TCP10L: variants seen among roughly 807,000 people sequenced by gnomAD.
TCP10L encodes the protein T-complex protein 10A homolog 1.
TCP10L carries 11 observed loss-of-function variants against 19.2 expected under a neutral mutation model. That is an observed-to-expected ratio of 0.57 (90% CI 0.36 to 0.95). The LOEUF is 0.95. Among genes scored for constraint, TCP10L ranks in the 40% least tolerant of loss-of-function variants. The probability of loss-of-function intolerance (pLI) is 0.01; values close to 1 mark genes in which losing one functional copy is unlikely to be tolerated. For synonymous variants in TCP10L, 96 were observed against 97.2 expected (o/e 0.99, Z 0.07); for missense variants, 247 against 263.9 (o/e 0.94, Z 0.44).
chr21:32,575,626 C>G lies in TCP10L; in HGVS notation c.*1148G>C, dbSNP rs1047842128. The G allele has an allele frequency of 4.6e-5, 7 of 152,654 alleles. No homozygotes were observed. Among genetic ancestry groups the G allele is most frequent in the African/African-American group, 1.7e-4 (7 of 41,562 alleles). 9.5% of individuals were successfully genotyped at this position (152,654 alleles called of 1,614,324 possible). On this transcript the variant is annotated 3_prime_UTR_variant, in exon 5 of 5. Coordinates refer to ENST00000300258, the MANE Select transcript of TCP10L (RefSeq NM_144659.7). Reference sequence around the variant, plus strand: ...TGAGGCTCGGCCACCACATAGGCCCCGTTTCTTTACCAAGATAGGTTCCTG... The same window carrying G: ...TGAGGCTCGGCCACCACATAGGCCCGGTTTCTTTACCAAGATAGGTTCCTG...
At position 32,582,787 on chromosome 21, in the gene TCP10L, T is replaced by C. The variant is rs764157795; in HGVS notation, c.145-372A>G. 6.6e-6 allele frequency among the ~76,000 whole-genome samples: 1 copy of C among 151,874 alleles called. No homozygotes were observed. ...TTTGTATTTTTACTCGGGATGGGGG[T>C]TCACCATGTTGCCCAGACTGGTCTC... On this transcript the variant is annotated intron_variant, in intron 2 of 4. Transcript: ENST00000300258. This position sits in a 1 kb window ranked among gnomAD's most constrained non-coding sequence, Gnocchi z 4.2.
intron 3 of TCP10L, among the ~76,000 whole-genome samples, chr21:32,579,409 G>A (rs1296658503): frequency 6.6e-6 from 1 of 152,158 alleles, no homozygotes; most frequent in African/African-American, 2.4e-5. Flanking sequence ...ATCCAGAGTG[G>A]CTCACCCACA....
At chr21:32,581,436 G>C (rs1441434694) in intron 3 of TCP10L, among the ~76,000 whole-genome samples, 3 of 152,266 alleles carry the variant, frequency 2.0e-5, no homozygotes, top group East Asian at 3.9e-4. Context: ...TAAGGCAGAG[G>C]GTCTAATTGA....
rs1174800968 is a variant in TCP10L at position 32,578,175 on chromosome 21, T to G, written c.498+519A>C. On this transcript the variant is annotated intron_variant, in intron 4 of 4. Coordinates refer to ENST00000300258, the MANE Select transcript of TCP10L (RefSeq NM_144659.7). This position sits in a 1 kb window ranked among gnomAD's most constrained non-coding sequence, Gnocchi z 4.2. ...CAGAGATTTTGTTTGTGGCCAGTTT[T>G]GGGGCCAGTTTATGGCCAGATCTGG... 6.6e-6 allele frequency among the ~76,000 whole-genome samples: 1 copy of G among 152,254 alleles called. No homozygotes were observed. The highest frequency in any genetic ancestry group is 1.5e-5 in the Non-Finnish European group (1 of 68,044).
Position 32,577,791 on chromosome 21 carries a change from G to A in TCP10L, c.499-868C>T, listed in dbSNP as rs1419733022. 3 of 152,226 alleles carry A rather than the reference G, an allele frequency of 2.0e-5. No individual in the cohort carries two copies. In the East Asian group the frequency reaches 5.8e-4, roughly 29 times the overall value. 9.4% of individuals were successfully genotyped at this position (152,226 alleles called of 1,614,324 possible). A position where few individuals can be genotyped will look rare whatever the true frequency, so the allele number is the denominator to read the frequency against. On this transcript the variant is annotated intron_variant, in intron 4 of 4. Transcript: ENST00000300258. ...ACATACGCACGGAAGTATAGCATGT[G>A]GAGTGGGAAATCAGGGCACTCACAG...
chr21:32,584,271 T>TG lies in TCP10L; in HGVS notation c.33dup (p.Lys12GlnfsTer59). On this transcript the variant is annotated frameshift_variant, in exon 2 of 5. Coordinates refer to ENST00000300258, the MANE Select transcript of TCP10L (RefSeq NM_144659.7). LOFTEE classifies it high-confidence loss of function. ...GGGTCCTCTGGGTGGGTGCCCTCTT[T>TG]GGGGTCCCTGGCCTCGAGTTGACCT... 6.2e-7 allele frequency: 1 copy of TG among 1,613,938 alleles called. No homozygotes were observed. The highest frequency in any genetic ancestry group is 1.1e-5 in the South Asian group (1 of 91,056).
Position 32,576,863 on chromosome 21 carries a change from C to G in TCP10L, c.559G>C (p.Asp187His). 1 of 1,614,176 alleles carries G rather than the reference C, an allele frequency of 6.2e-7. No homozygotes were observed. The highest frequency in any genetic ancestry group is 8.5e-7 in the Non-Finnish European group (1 of 1,180,016). ...TGACGTCTCCTGGAAAGATTTTTAT[C>G]TCTATTTTCCTGTGGTGGTGTTTTC... ...SWKTPPQENR[D>H]KNLSRRRQDR... The change falls in exon 5 of 5, where the codon GAT becomes CAT. Residue 187 changes from aspartate (D) to histidine (H), a missense_variant. By Grantham distance (81) the Asp-to-His change is moderately conservative. Transcript: ENST00000300258.
In TCP10L at chr21:32,582,402, TG is replaced by T; in HGVS notation, c.157del (p.Gln53ArgfsTer27). 6.2e-7 allele frequency: 1 copy of T among 1,612,754 alleles called. No individual in the cohort carries two copies. Among genetic ancestry groups the T allele is most frequent in the Non-Finnish European group, 8.5e-7 (1 of 1,179,708 alleles). On this transcript the variant is annotated frameshift_variant, in exon 3 of 5. Coordinates refer to ENST00000300258, the MANE Select transcript of TCP10L (RefSeq NM_144659.7). LOFTEE classifies it high-confidence loss of function. This position sits in a 1 kb window ranked among gnomAD's most constrained non-coding sequence, Gnocchi z 4.2. ...NTGEMPPLQQ[Q>X]IIRLHQELGR... ...AAGCTCTTGGTGGAGTCTGATGATC[TG>T]CTGCTGTAATGGCTGTTATTGGGAA...
At chr21:32,577,030 C>G in intron 4 of TCP10L, 107 bp from the exon 5 acceptor site, 1 of 1,175,300 alleles carries the variant, frequency 8.5e-7, no homozygotes, top group South Asian at 1.6e-5. Context: ...GATTCTACTC[C>G]CCCTTCCTAC....
At chr21:32,585,322 T>G (rs7279971) in intron 1 of TCP10L, 99 bp downstream of exon 1, 2 of 279,414 alleles carry the variant, frequency 7.2e-6, no homozygotes, top group Non-Finnish European at 1.5e-5. Flanking sequence ...CCTGCTCCTC[T>G]GAGGGGACAC....
rs2038462051 is a variant in TCP10L, at chr21:32,578,787, A to C, written c.405T>G (p.Asp135Glu). 1 of 1,614,110 alleles carries C rather than the reference A, an allele frequency of 6.2e-7. No homozygotes were observed. Among genetic ancestry groups the C allele is most frequent in the Admixed American group, 1.7e-5 (1 of 60,004 alleles). Residue 135 changes from aspartate to glutamate, a missense_variant, in exon 4 of 5, where the codon GAT (aspartate) becomes GAG (glutamate). Asp to Glu is a conservative substitution (Grantham distance 45). Coordinates refer to ENST00000300258, the MANE Select transcript of TCP10L (RefSeq NM_144659.7). The surrounding 1 kb of genome is among the most constrained non-coding windows in gnomAD (Gnocchi z 4.2). ...CAGCGTATTTGGGTATTGTCTCTTC[A>C]TCAGCTGACAGAGGTGAAATTTTTC... The part of the protein sequence containing the change: ...AFGKISPLSA[D>E]EETIPKYAGH...
At chr21:32,583,837 G>T (rs772306516) in intron 2 of TCP10L, among the ~76,000 whole-genome samples, 42 of 152,106 alleles carry the variant, frequency 2.8e-4, no homozygotes, top group Non-Finnish European at 5.0e-4. Context: ...CAGGAAACTT[G>T]CTGGGATGAT....
chr21:32,576,175 G>T lies in TCP10L; in HGVS notation c.*599C>A. On this transcript the variant is annotated 3_prime_UTR_variant, in exon 5 of 5. Transcript: ENST00000300258. ...TCCACGAGAAAGCCCCGCATTTCAC[G>T]GGGAGCATAGAAACAGGAGTCCCCA... 6.8e-6 allele frequency: 8 copies of T among 1,183,482 alleles called. No homozygotes were observed. The South Asian group carries it at 8.4e-5, about 12-fold the overall frequency. The allele number at this position is 1,183,482 out of a possible 1,614,324, so 73.3% of individuals were successfully genotyped here. A position where few individuals can be genotyped will look rare whatever the true frequency, so the allele number is the denominator to read the frequency against.
Position 32,578,369 on chromosome 21 carries a change from A to C in TCP10L, c.498+325T>G, listed in dbSNP as rs1422675967. Among the ~76,000 whole-genome samples, 1 of 152,244 alleles carries C rather than the reference A, an allele frequency of 6.6e-6. No individual in the cohort carries two copies. The highest frequency in any genetic ancestry group is 1.9e-4 in the East Asian group (1 of 5,198). ...AGCCCTCAGACTCACGGGTGGAGAC[A>C]GTGCCACACACATCACCTCCGCAGC... On this transcript the variant is annotated intron_variant, in intron 4 of 4. Coordinates refer to ENST00000300258, the MANE Select transcript of TCP10L (RefSeq NM_144659.7). This position sits in a 1 kb window ranked among gnomAD's most constrained non-coding sequence, Gnocchi z 4.2.
intron 2 of TCP10L, among the ~76,000 whole-genome samples, chr21:32,583,544 C>A (rs925427258): frequency 1.2e-4 from 18 of 146,620 alleles, no homozygotes; most frequent in African/African-American, 4.4e-4. Flanking sequence ...AGCCGAGATC[C>A]CGCCACTGCA....
chr21:32,576,164 C>T lies in TCP10L; in HGVS notation c.*610G>A. On this transcript the variant is annotated 3_prime_UTR_variant, in exon 5 of 5. Transcript: ENST00000300258. Reference sequence around the variant, plus strand: ...GCTCACGCGTATCCACGAGAAAGCCCCGCATTTCACGGGGAGCATAGAAAC... The same window carrying T: ...GCTCACGCGTATCCACGAGAAAGCCTCGCATTTCACGGGGAGCATAGAAAC... The T allele has an allele frequency of 9.1e-7, 1 of 1,101,914 alleles. No individual in the cohort carries two copies. Among genetic ancestry groups the T allele is most frequent in the Non-Finnish European group, 1.3e-6 (1 of 765,398 alleles). The allele number at this position is 1,101,914 out of a possible 1,614,324, so 68.3% of individuals were successfully genotyped here.
intron 2 of TCP10L, among the ~76,000 whole-genome samples, chr21:32,583,399 C>T (rs2038518900): frequency 6.6e-6 from 1 of 151,546 alleles, no homozygotes; most frequent in African/African-American, 2.4e-5. Context: ...ACCATCCCGG[C>T]TAACACGGTG....
Position 32,578,767 on chromosome 21 carries a change from T to A in TCP10L, c.425A>T (p.Tyr142Phe), listed in dbSNP as rs1601122716. The A allele has an allele frequency of 3.7e-6, 6 of 1,614,196 alleles. No homozygotes were observed. The Admixed American group carries it at 8.3e-5, about 22-fold the overall frequency. Residue 142 changes from tyrosine (Y) to phenylalanine (F), a missense_variant, in exon 4 of 5, where the codon TAC becomes TTC. Physicochemically the swap from Tyr to Phe is conservative, Grantham distance 22. Coordinates refer to ENST00000300258, the MANE Select transcript of TCP10L (RefSeq NM_144659.7). The surrounding 1 kb of genome is among the most constrained non-coding windows in gnomAD (Gnocchi z 4.2). ...LSADEETIPK[Y>F]AGHKNQSATL... ...GGCACTCTGATTCTTGTGGCCAGCG[T>A]ATTTGGGTATTGTCTCTTCATCAGC...
intron 4 of TCP10L, chr21:32,577,326 T>G: frequency 5.7e-6 from 1 of 174,230 alleles, no homozygotes; most frequent in Admixed American, 6.0e-5. Context: ...TGATGGAGCA[T>G]GAGAGAAGTC....
Sources: gnomAD v4.1 joint callset for allele counts (sites outside exome capture counted in the v4.1 genomes callset) on GRCh38, gnomAD v4.1.1 for gene constraint, Gnocchi (gnomAD v3.1) non-coding constraint, MANE v1.5 for transcripts, NCBI Gene and HGNC (gene_info 2026-07-23, HGNC 2026-07-21) for gene names.